GRAMD1B: variants seen among roughly 807,000 people sequenced by gnomAD.
The protein encoded by GRAMD1B is protein Aster-B.
Under a neutral mutation model 99.7 loss-of-function variants are expected in GRAMD1B, and 37 were observed. That is an observed-to-expected ratio of 0.37 (90% CI 0.29 to 0.49). The LOEUF (loss-of-function observed/expected upper bound fraction) is 0.49. Among genes scored for constraint, GRAMD1B ranks in the 20% least tolerant of loss-of-function variants. The pLI is 0.98. For synonymous variants in GRAMD1B, 427 were observed against 387.6 expected, an observed-to-expected ratio of 1.10 and a Z score of -1.19; for missense variants, 888 against 1,009.2, an observed-to-expected ratio of 0.88 and a Z score of 1.63.
At chr11:123,487,532 C>A (rs1937969828) in intron 2 of GRAMD1B, among the ~76,000 whole-genome samples, 1 of 152,186 alleles carries the variant, frequency 6.6e-6, no homozygotes, top group African/African-American at 2.4e-5. Flanking sequence ...CCTGGTCATG[C>A]CACGTCCTGC....
At chr11:123,529,120 C>T (rs188602017) in intron 2 of GRAMD1B, among the ~76,000 whole-genome samples, 1 of 152,172 alleles carries the variant, frequency 6.6e-6, no homozygotes, top group African/African-American at 2.4e-5. Flanking sequence ...AATGCTTTGG[C>T]CTTTTAGGGG....
At chr11:123,481,690 T>C (rs1951618869) in intron 2 of GRAMD1B, among the ~76,000 whole-genome samples, 1 of 152,152 alleles carries the variant, frequency 6.6e-6, no homozygotes, top group Non-Finnish European at 1.5e-5. Context: ...TGGTTGAGGA[T>C]TGGAGATACA....
intron 2 of GRAMD1B, among the ~76,000 whole-genome samples, chr11:123,490,206 G>A (rs1051351259): frequency 4.6e-5 from 7 of 152,172 alleles, no homozygotes; most frequent in South Asian, 2.1e-4. Flanking sequence ...AAAGTGTATC[G>A]AAGAAGCTGG....
intron 2 of GRAMD1B, among the ~76,000 whole-genome samples, chr11:123,500,312 A>T (rs1939725370): frequency 6.6e-6 from 1 of 152,040 alleles, no homozygotes; most frequent in Admixed American, 6.5e-5. Context: ...ACAGAGCAAG[A>T]CTCCATCTCT....
chr11:123,501,087 T>C (rs1242220187), intron 2 of GRAMD1B, among the ~76,000 whole-genome samples: 2 of 152,214 alleles, frequency 1.3e-5, no homozygotes, highest in African/African-American at 4.8e-5. Context: ...TAGATGAGGC[T>C]TAGATTGTCC....
At chr11:123,523,890 C>T (rs1247150900) in intron 2 of GRAMD1B, among the ~76,000 whole-genome samples, 1 of 152,192 alleles carries the variant, frequency 6.6e-6, no homozygotes, top group Non-Finnish European at 1.5e-5. Flanking sequence ...TGGATGTGTT[C>T]AGAAGTCCTG....
chr11:123,452,438 G>A (rs1949929145), intron 1 of GRAMD1B, among the ~76,000 whole-genome samples: 1 of 152,156 alleles, frequency 6.6e-6, no homozygotes, highest in Non-Finnish European at 1.5e-5. Context: ...CTGAGGTCAG[G>A]AGTTCGAGAC....
intron 1 of GRAMD1B, among the ~76,000 whole-genome samples, chr11:123,389,161 G>A (rs1947183766): frequency 1.3e-5 from 2 of 152,228 alleles, no homozygotes; most frequent in South Asian, 4.1e-4. Context: ...GAGACAGGCA[G>A]ATCACGAGGT....
chr11:123,544,918 G>A (rs1432017983), intron 2 of GRAMD1B, among the ~76,000 whole-genome samples: 1 of 152,228 alleles, frequency 6.6e-6, no homozygotes, highest in African/African-American at 2.4e-5. Flanking sequence ...GTTTGAAGAG[G>A]CCATTGTTCT....
intron 1 of GRAMD1B, among the ~76,000 whole-genome samples, chr11:123,396,041 G>A (rs1947446947): frequency 6.6e-6 from 1 of 152,032 alleles, no homozygotes; most frequent in South Asian, 2.1e-4. Flanking sequence ...AAAAACTGAG[G>A]CTGGGGTCGA....
chr11:123,434,774 C>G (rs1949085262), intron 1 of GRAMD1B, among the ~76,000 whole-genome samples: 1 of 152,148 alleles, frequency 6.6e-6, no homozygotes. Context: ...GGCGACAGAG[C>G]AAGACTCCAT....
intron 1 of GRAMD1B, among the ~76,000 whole-genome samples, chr11:123,400,975 C>T (rs1591437416): frequency 1.3e-5 from 2 of 152,128 alleles, no homozygotes; most frequent in South Asian, 2.1e-4. Flanking sequence ...GAAGCTAGTA[C>T]CTGAACTCAG....
In GRAMD1B at chr11:123,375,200, G is replaced by T. The variant is rs1055762879; in HGVS notation, c.-176+16401G>T. On this transcript the variant is annotated intron_variant, in intron 1 of 20. Transcript: ENST00000638157. ...TTAAGGTTATTTTTACTGGTTTGCA[G>T]ATCTGGGGTTCAAATCTAGGTCTGA... Among the ~76,000 whole-genome samples, 6 of 152,162 alleles carry T rather than the reference G, an allele frequency of 3.9e-5. No individual in the cohort carries two copies. The South Asian group carries it at 1.2e-3, about 31-fold the overall frequency.
chr11:123,524,185 G>A (rs1392625963), intron 2 of GRAMD1B, among the ~76,000 whole-genome samples: 10 of 152,024 alleles, frequency 6.6e-5, no homozygotes, highest in African/African-American at 1.9e-4. Flanking sequence ...CTCCTCAGTG[G>A]GGATATAGAG....
intron 1 of GRAMD1B, among the ~76,000 whole-genome samples, chr11:123,464,561 C>A (rs985392472): frequency 1.3e-5 from 2 of 152,150 alleles, no homozygotes; most frequent in Non-Finnish European, 2.9e-5. Flanking sequence ...AGTGGGATGT[C>A]AGTAGTTTTC....
intron 2 of GRAMD1B, among the ~76,000 whole-genome samples, chr11:123,512,909 C>G (rs1366348638): frequency 6.6e-6 from 1 of 151,660 alleles, no homozygotes; most frequent in Non-Finnish European, 1.5e-5. Context: ...CATCAGCTCC[C>G]CAGGAGGCTT....
chr11:123,380,291 T>C (rs1399798231), intron 1 of GRAMD1B, among the ~76,000 whole-genome samples: 1 of 152,244 alleles, frequency 6.6e-6, no homozygotes, highest in Non-Finnish European at 1.5e-5. Context: ...CTGAGAGTTT[T>C]ATAGTTTTAG....
At chr11:123,611,225 C>G (rs1271094727) in intron 14 of GRAMD1B, among the ~76,000 whole-genome samples, 1 of 152,006 alleles carries the variant, frequency 6.6e-6, no homozygotes, top group Non-Finnish European at 1.5e-5. Flanking sequence ...TGCTTGAGCC[C>G]AGGAGTTCAA....
intron 2 of GRAMD1B, among the ~76,000 whole-genome samples, chr11:123,508,305 T>C (rs1940634603): frequency 6.6e-6 from 1 of 152,148 alleles, no homozygotes; most frequent in Non-Finnish European, 1.5e-5. Flanking sequence ...ATCCTTTTAT[T>C]GGGAGCCCAC....
Sources: allele counts gnomAD v4.1 joint callset (sites outside exome capture counted in the v4.1 genomes callset), GRCh38; gene constraint gnomAD v4.1.1; transcripts MANE v1.5; gene names NCBI Gene and HGNC (gene_info 2026-07-23, HGNC 2026-07-21).